LATS2: variants seen among roughly 807,000 people sequenced by gnomAD.
LATS2 encodes large tumor suppressor kinase 2, also known as serine/threonine-protein kinase LATS2.
LATS2 carries 24 observed loss-of-function variants against 76.0 expected under a neutral mutation model. The observed-to-expected ratio is 0.32, with a 90% CI of 0.23 to 0.44. The LOEUF is 0.44. Among genes scored for constraint, LATS2 ranks in the 20% least tolerant of loss-of-function variants. The probability of loss-of-function intolerance (pLI) is 1.00; values close to 1 mark genes in which losing one functional copy is unlikely to be tolerated. For missense variants in LATS2, 1,286 were observed against 1,481.2 expected (o/e 0.87, Z 2.16); for synonymous variants, 692 against 635.4 (o/e 1.09, Z -1.34).
At chr13:21,051,680 T>A (rs1437958702) in intron 1 of LATS2, among the ~76,000 whole-genome samples, 1 of 152,134 alleles carries the variant, frequency 6.6e-6, no homozygotes, top group Non-Finnish European at 1.5e-5. Context: ...CAGGGCAGGC[T>A]GGGTCCAGTG....
At chr13:21,002,015 G>A (rs1056168041) in intron 2 of LATS2, among the ~76,000 whole-genome samples, 6 of 151,842 alleles carry the variant, frequency 4.0e-5, no homozygotes, top group Admixed American at 6.6e-5. Context: ...CTGGGTTCAC[G>A]CCATTCTCCT....
intron 2 of LATS2, among the ~76,000 whole-genome samples, chr13:21,031,469 G>A (rs1393791278): frequency 6.6e-6 from 1 of 152,004 alleles, no homozygotes; most frequent in Non-Finnish European, 1.5e-5. Context: ...ATGTTATGTT[G>A]AGACCATGTA....
At chr13:20,986,035 ACT>A (rs1264149992) in intron 4 of LATS2, among the ~76,000 whole-genome samples, 13 of 152,106 alleles carry the variant, frequency 8.5e-5, no homozygotes. Context: ...CAAGAGCGAA[ACT>A]CTGTCTCAAA....
At chr13:20,975,667 T>C (rs1359356161) in intron 7 of LATS2, among the ~76,000 whole-genome samples, 1 of 152,200 alleles carries the variant, frequency 6.6e-6, no homozygotes, top group Non-Finnish European at 1.5e-5. Flanking sequence ...AAGAGAATGA[T>C]GGTCTACAAG....
At chr13:21,025,857 T>C (rs1295225056) in intron 2 of LATS2, among the ~76,000 whole-genome samples, 1 of 152,220 alleles carries the variant, frequency 6.6e-6, no homozygotes, top group Non-Finnish European at 1.5e-5. Flanking sequence ...CATACGGCCC[T>C]GTACGTCTGG....
At position 21,026,773 on chromosome 13, in the gene LATS2, T is replaced by C. The variant is rs140727689; in HGVS notation, c.342+18912A>G. On this transcript the variant is annotated intron_variant, in intron 2 of 7. Coordinates refer to ENST00000382592, the MANE Select transcript of LATS2 (RefSeq NM_014572.3). Reference sequence around the variant, plus strand: ...GAGATGGAGACCAGCCTAGGTAACATAGCAAAACCTCATGTCAATTTTTAA... The same window carrying C: ...GAGATGGAGACCAGCCTAGGTAACACAGCAAAACCTCATGTCAATTTTTAA... Among the ~76,000 whole-genome samples, 398 of 152,280 alleles carry C rather than the reference T, an allele frequency of 2.6e-3. 1 individual carries two copies. The highest frequency in any genetic ancestry group is 8.9e-3 in the African/African-American group (370 of 41,554).
rs760674320 is a variant in LATS2 at position 20,988,240 on chromosome 13, G to A, written c.1540C>T (p.Pro514Ser). ...VEYGGPDRRC[P>S]PPPYPKHLLL... ...AGGTGCTTCGGGTAGGGCGGAGGCG[G>A]GCACCTCCGGTCTGGGCCTCCGTAC... Residue 514 changes from proline (P) to serine (S), a missense_variant, in exon 4 of 8, where the codon CCG (proline) becomes TCG (serine). Physicochemically the swap from Pro to Ser is moderately conservative, Grantham distance 74. Around this residue, in one of 5 missense-constraint regions of LATS2, gnomAD observed 710 missense variants for 660.9 expected, o/e 1.07. Coordinates refer to ENST00000382592, the MANE Select transcript of LATS2 (RefSeq NM_014572.3). 1.2e-6 allele frequency: 2 copies of A among 1,603,810 alleles called. No individual in the cohort carries two copies. Among genetic ancestry groups the A allele is most frequent in the East Asian group, 2.2e-5 (1 of 44,846 alleles).
At chr13:21,026,485 G>C (rs1872315919) in intron 2 of LATS2, among the ~76,000 whole-genome samples, 1 of 152,216 alleles carries the variant, frequency 6.6e-6, no homozygotes, top group African/African-American at 2.4e-5. Context: ...TTGTAGGGAT[G>C]TGCCAAAATT....
chr13:20,995,449 T>A (rs1321245618), intron 2 of LATS2, among the ~76,000 whole-genome samples: 1 of 151,996 alleles, frequency 6.6e-6, no homozygotes, highest in Non-Finnish European at 1.5e-5. Flanking sequence ...AAAGCAAGAG[T>A]TCAGCTGCAA....
In LATS2 at chr13:20,988,204, T is replaced by C; in HGVS notation, c.1576A>G (p.Ser526Gly). 6.2e-7 allele frequency: 1 copy of C among 1,611,720 alleles called. No homozygotes were observed. The part of the protein sequence containing the change: ...PPYPKHLLLR[S>G]KSEQYDLDSL... ...TCCAGGTCGTACTGCTCCGACTTGC[T>C]GCGCAGCAGCAGGTGCTTCGGGTAG... Residue 526 changes from serine to glycine, a missense_variant, in exon 4 of 8, where the codon AGC becomes GGC. Physicochemically the swap from Ser to Gly is moderately conservative, Grantham distance 56. Around this residue, in one of 5 missense-constraint regions of LATS2, gnomAD observed 710 missense variants for 660.9 expected, o/e 1.07. Transcript: ENST00000382592.
intron 2 of LATS2, among the ~76,000 whole-genome samples, chr13:20,999,058 A>C (rs892885277): frequency 6.6e-6 from 1 of 152,254 alleles, no homozygotes; most frequent in African/African-American, 2.4e-5. Flanking sequence ...AACCTTGTCC[A>C]CGCGAGGCAG....
rs981467045 is a variant in LATS2 at position 20,984,508 on chromosome 13, G to A, written c.1900-702C>T. 2.0e-5 allele frequency among the ~76,000 whole-genome samples: 3 copies of A among 152,158 alleles called. No homozygotes were observed. The East Asian group carries it at 5.8e-4, about 29-fold the overall frequency. On this transcript the variant is annotated intron_variant, in intron 4 of 7. Transcript: ENST00000382592. Reference sequence around the variant, plus strand: ...CATTAGATAGACTTGTATATGGTGAGAGATAGGGTCTAGTTTCATTCTTCT... The same window carrying A: ...CATTAGATAGACTTGTATATGGTGAAAGATAGGGTCTAGTTTCATTCTTCT...
intron 2 of LATS2, among the ~76,000 whole-genome samples, chr13:21,006,346 C>T (rs542989723): frequency 1.1e-4 from 16 of 152,260 alleles, no homozygotes; most frequent in African/African-American, 3.6e-4. Context: ...CTCTCTGGCC[C>T]TGGTCCCCAG....
At chr13:21,014,771 A>G (rs1565954689) in intron 2 of LATS2, among the ~76,000 whole-genome samples, 2 of 152,372 alleles carry the variant, frequency 1.3e-5, no homozygotes, top group East Asian at 1.9e-4. Context: ...TTAAAAAAGA[A>G]TGTTTGTTGA....
In LATS2 at chr13:20,988,178, G is replaced by A. The variant is rs61749292; in HGVS notation, c.1602C>T (p.Asp534=). The change falls in exon 4 of 8, where the codon GAC becomes GAT. Residue 534 remains aspartate, a synonymous_variant. Coordinates refer to ENST00000382592, the MANE Select transcript of LATS2 (RefSeq NM_014572.3). ...TCTGCTCCATGCCTGCGCACAGGCT[G>A]TCCAGGTCGTACTGCTCCGACTTGC... The part of the protein sequence containing the change: ...LRSKSEQYDL[D]SLCAGMEQSL... The A allele has an allele frequency of 2.7e-3, 4,305 of 1,613,644 alleles. 117 individuals are homozygous for A. The African/African-American group carries it at 0.051, about 19-fold the overall frequency.
intron 1 of LATS2, among the ~76,000 whole-genome samples, chr13:21,053,746 GA>G (rs1873357633): frequency 6.6e-6 from 1 of 152,188 alleles, no homozygotes; most frequent in Non-Finnish European, 1.5e-5. Context: ...CTATAAAAAG[GA>G]AGGAAATCCT....
chr13:21,026,929 T>C (rs1392009367), intron 2 of LATS2, among the ~76,000 whole-genome samples: 4 of 152,222 alleles, frequency 2.6e-5, no homozygotes, highest in African/African-American at 7.2e-5. Context: ...AATGAGTATA[T>C]AGTAGTATCT....
At chr13:21,035,317 G>C (rs1202308073) in intron 2 of LATS2, among the ~76,000 whole-genome samples, 1 of 151,926 alleles carries the variant, frequency 6.6e-6, no homozygotes, top group African/African-American at 2.4e-5. Flanking sequence ...TTCTAAAAGA[G>C]AGCATTGTTA....
intron 2 of LATS2, among the ~76,000 whole-genome samples, chr13:21,011,794 G>A (rs546155551): frequency 5.9e-5 from 9 of 152,182 alleles, no homozygotes; most frequent in Non-Finnish European, 1.0e-4. Flanking sequence ...TGATTTCGTT[G>A]TTGTGTGAAC....
Sources: gnomAD v4.1 joint callset for allele counts (sites outside exome capture counted in the v4.1 genomes callset) on GRCh38, gnomAD v4.1.1 for gene constraint, gnomAD v4.1.1 regional missense constraint, MANE v1.5 for transcripts, NCBI Gene and HGNC (gene_info 2026-07-23, HGNC 2026-07-21) for gene names.